RERE: variants seen among roughly 807,000 people sequenced by gnomAD.
RERE encodes the protein arginine-glutamic acid dipeptide repeats.
Under a neutral mutation model 146.1 loss-of-function variants are expected in RERE, and 40 were observed. The ratio of observed to expected loss-of-function variants is 0.27; its 90% CI spans 0.21 to 0.36. The LOEUF is 0.36. RERE is among the 10% of genes least tolerant of loss of function. RERE has a pLI of 1.00. For missense variants in RERE, 1,933 were observed against 2,138.7 expected (o/e 0.90, Z 1.90); for synonymous variants, 1,003 against 866.0 (o/e 1.16, Z -2.78).
chr1:8,480,063 G>C (rs1644811019), intron 10 of RERE, among the ~76,000 whole-genome samples: 1 of 150,904 alleles, frequency 6.6e-6, no homozygotes, highest in Admixed American at 6.6e-5. Flanking sequence ...AAGGGCTGCA[G>C]AAACTCAAAC....
intron 6 of RERE, among the ~76,000 whole-genome samples, chr1:8,544,311 C>G (rs12145445): frequency 0.16 from 24,926 of 152,120 alleles, 2,365 homozygotes; most frequent in Middle Eastern, 0.29. Flanking sequence ...TTGTTTTTAT[C>G]TTTATTATTT....
intron 1 of RERE, among the ~76,000 whole-genome samples, chr1:8,756,812 C>T (rs142280126): frequency 6.6e-6 from 1 of 152,232 alleles, no homozygotes; most frequent in African/African-American, 2.4e-5. Context: ...CACATGTTGG[C>T]CAGACATGGT....
chr1:8,363,533 C>A (rs950420751), intron 15 of RERE, among the ~76,000 whole-genome samples: 8 of 152,204 alleles, frequency 5.3e-5, no homozygotes, highest in Non-Finnish European at 1.2e-4. Flanking sequence ...GGGAAAGACC[C>A]TGTCAGTACC....
In RERE at chr1:8,516,227, G is replaced by GAAAAAAAAAAAAAAAAAAA. The variant is rs58064164; in HGVS notation, c.831-7571_831-7553dup. Among the ~76,000 whole-genome samples the GAAAAAAAAAAAAAAAAAAA allele has an allele frequency of 2.2e-3, 117 of 52,302 alleles. 9 individuals are homozygous for GAAAAAAAAAAAAAAAAAAA. Among genetic ancestry groups the GAAAAAAAAAAAAAAAAAAA allele is most frequent in the Non-Finnish European group, 2.7e-3 (84 of 30,648 alleles). The allele number at this position is 52,302 out of a possible 152,430, so 34.3% of individuals were successfully genotyped here. On this transcript the variant is annotated intron_variant, in intron 7 of 22. Coordinates refer to ENST00000400908, the MANE Select transcript of RERE (RefSeq NM_001042681.2). Reference sequence around the variant, plus strand: ...GGGACGGAGCAAGACTCTCTCAGAGGAAAAAAAAAAAAAAAAAAAAAATCT... The same window carrying GAAAAAAAAAAAAAAAAAAA: ...GGGACGGAGCAAGACTCTCTCAGAGGAAAAAAAAAAAAAAAAAAAAAAAAAAAAAAAAAAAAAAAAATCT...
At chr1:8,680,765 T>A (rs556946594) in intron 1 of RERE, among the ~76,000 whole-genome samples, 2 of 152,304 alleles carry the variant, frequency 1.3e-5, no homozygotes, top group South Asian at 4.1e-4. Flanking sequence ...TTTCAGAGTA[T>A]AATAAACCTT....
At chr1:8,381,976 T>C (rs1642476902) in intron 12 of RERE, among the ~76,000 whole-genome samples, 1 of 152,234 alleles carries the variant, frequency 6.6e-6, no homozygotes, top group Non-Finnish European at 1.5e-5. Context: ...GCTGAGCGTT[T>C]TCTCATTTCA....
chr1:8,814,961 G>T (rs1252692748), intron 1 of RERE, among the ~76,000 whole-genome samples: 3 of 152,170 alleles, frequency 2.0e-5, no homozygotes, highest in Non-Finnish European at 2.9e-5. Context: ...AGCAGCTCGG[G>T]GAAGTGGCAT....
At chr1:8,569,273 A>ATC (rs1646190657) in intron 4 of RERE, among the ~76,000 whole-genome samples, 1 of 151,552 alleles carries the variant, frequency 6.6e-6, no homozygotes, top group Admixed American at 6.6e-5. Context: ...AAAAAAAAAA[A>ATC]GAGTACAAAT....
At chr1:8,528,852 T>A (rs929539256) in intron 7 of RERE, among the ~76,000 whole-genome samples, 1 of 151,896 alleles carries the variant, frequency 6.6e-6, no homozygotes, top group Non-Finnish European at 1.5e-5. Flanking sequence ...AAAAAAGAGA[T>A]AGAGGTTATC....
chr1:8,541,427 G>C, intron 6 of RERE, 109 bp from the exon 7 acceptor site: 2 of 629,256 alleles, frequency 3.2e-6, no homozygotes, highest in South Asian at 4.0e-5. Context: ...TGTGCATGGA[G>C]AATCGGCTAC....
intron 1 of RERE, among the ~76,000 whole-genome samples, chr1:8,709,490 T>A (rs1364714066): frequency 1.3e-5 from 2 of 152,094 alleles, no homozygotes; most frequent in Non-Finnish European, 1.5e-5. Flanking sequence ...GGCTGAAGGT[T>A]TACCAGGCTC....
At position 8,360,492 on chromosome 1, in the gene RERE, G is replaced by A. The variant is rs201412477; in HGVS notation, c.3015C>T (p.Pro1005=). The A allele has an allele frequency of 8.4e-5, 114 of 1,364,570 alleles. No homozygotes were observed. The highest frequency in any genetic ancestry group is 3.1e-4 in the African/African-American group (20 of 64,242). The allele number at this position is 1,364,570 out of a possible 1,614,324, so 84.5% of individuals were successfully genotyped here. A position where few individuals can be genotyped will look rare whatever the true frequency, so the allele number is the denominator to read the frequency against. The change falls in exon 18 of 23, where the codon CCC becomes CCT. Residue 1005 remains proline, a synonymous_variant. Coordinates refer to ENST00000400908, the MANE Select transcript of RERE (RefSeq NM_001042681.2). ...QPLPSSPAQP[P]GLTQSQNLPP... is the part of the protein sequence containing the mutation. ...GCAGGTTCTGGCTCTGGGTCAGCCC[G>A]GGGGGCTGGGCGGGCGAGGAGGGCA...
At chr1:8,714,711 T>A (rs1423476862) in intron 1 of RERE, among the ~76,000 whole-genome samples, 1 of 152,184 alleles carries the variant, frequency 6.6e-6, no homozygotes, top group African/African-American at 2.4e-5. Flanking sequence ...GCACCAAGGC[T>A]GATCTATAGA....
intron 11 of RERE, among the ~76,000 whole-genome samples, chr1:8,451,425 C>G (rs1233787199): frequency 7.6e-6 from 1 of 132,192 alleles, no homozygotes; most frequent in East Asian, 2.6e-4. Context: ...GAGCAAAATT[C>G]CATCTCAAAA....
At chr1:8,375,510 A>G (rs1231792913) in intron 12 of RERE, among the ~76,000 whole-genome samples, 1 of 152,098 alleles carries the variant, frequency 6.6e-6, no homozygotes, top group Non-Finnish European at 1.5e-5. Context: ...GCCACTGAAA[A>G]TGCTTCCTCA....
At chr1:8,530,679 CTTTTTTTTTTT>C (rs1197212764) in intron 7 of RERE, among the ~76,000 whole-genome samples, 3 of 96,938 alleles carry the variant, frequency 3.1e-5, no homozygotes, top group Non-Finnish European at 4.0e-5. Flanking sequence ...TTTTCGTTTT[CTTTTTTTTTTT>C]TTTTTTTTTT....
At chr1:8,560,509 C>T (rs1376020338) in intron 4 of RERE, among the ~76,000 whole-genome samples, 1 of 152,120 alleles carries the variant, frequency 6.6e-6, no homozygotes, top group East Asian at 1.9e-4. Context: ...GATGGGAAGG[C>T]CTGTGGCCCC....
intron 1 of RERE, among the ~76,000 whole-genome samples, chr1:8,675,778 C>T (rs1229277840): frequency 6.6e-6 from 1 of 151,900 alleles, no homozygotes; most frequent in Non-Finnish European, 1.5e-5. Flanking sequence ...TACATACATA[C>T]ATACATACAG....
intron 1 of RERE, among the ~76,000 whole-genome samples, chr1:8,778,346 T>C (rs1445349375): frequency 6.6e-6 from 1 of 152,246 alleles, no homozygotes; most frequent in East Asian, 1.9e-4. Flanking sequence ...TTTATATATT[T>C]TAGCAATCTA....
Sources: allele counts gnomAD v4.1 joint callset (sites outside exome capture counted in the v4.1 genomes callset), GRCh38; gene constraint gnomAD v4.1.1; transcripts MANE v1.5; gene names NCBI Gene and HGNC (gene_info 2026-07-23, HGNC 2026-07-21).